The following RAD51B variants were observed in gnomAD, a reference collection of about 807,000 sequenced individuals.
RAD51B encodes the protein DNA repair protein RAD51 homolog 2.
In RAD51B, 38 loss-of-function variants were observed where a neutral mutation model predicts 42.2. The ratio of observed to expected loss-of-function variants is 0.90; its 90% CI spans 0.70 to 1.18. The LOEUF is 1.18. RAD51B is among the 50% of genes most tolerant of loss of function. RAD51B has a pLI of 0.00. For synonymous variants in RAD51B, 154 were observed against 145.2 expected, an observed-to-expected ratio of 1.06 and a Z score of -0.43; for missense variants, 373 against 400.7, an observed-to-expected ratio of 0.93 and a Z score of 0.59.
chr14:67,929,416 A>C (rs558458741), intron 7 of RAD51B, among the ~76,000 whole-genome samples: 124 of 152,194 alleles, frequency 8.1e-4, no homozygotes, highest in African/African-American at 2.9e-3. Context: ...TCCTCTTGGC[A>C]TTGATTTCTA....
intron 8 of RAD51B, among the ~76,000 whole-genome samples, chr14:68,375,931 G>C (rs1405350660): frequency 1.3e-5 from 2 of 151,978 alleles, no homozygotes; most frequent in Admixed American, 1.3e-4. Flanking sequence ...TACACAAGAG[G>C]CTTCTGGAAT....
At chr14:68,623,049 G>A (rs1240890532) in intron 10 of RAD51B, among the ~76,000 whole-genome samples, 1 of 152,162 alleles carries the variant, frequency 6.6e-6, no homozygotes, top group East Asian at 1.9e-4. Flanking sequence ...CCAAGCTCAC[G>A]GGAGGCAAGG....
At chr14:68,650,334 A>G (rs1361137315) in intron 10 of RAD51B, among the ~76,000 whole-genome samples, 1 of 152,202 alleles carries the variant, frequency 6.6e-6, no homozygotes, top group Non-Finnish European at 1.5e-5. Flanking sequence ...TCCTGCTTAG[A>G]ATCCCCAGGA....
At chr14:68,167,017 C>T (rs949307379) in intron 7 of RAD51B, among the ~76,000 whole-genome samples, 1 of 152,150 alleles carries the variant, frequency 6.6e-6, no homozygotes, top group South Asian at 2.1e-4. Context: ...CTTCCTGCCA[C>T]CAGTCTGGTC....
chr14:67,887,288 A>G (rs910009385), intron 7 of RAD51B, 84 bp downstream of exon 7: 1 of 1,199,174 alleles, frequency 8.3e-7, no homozygotes, highest in Non-Finnish European at 1.2e-6. Flanking sequence ...GTATCAAATA[A>G]TAAAATTAGA....
At chr14:68,497,389 G>A in intron 10 of RAD51B, 1 of 1,176,660 alleles carries the variant, frequency 8.5e-7, no homozygotes, top group Non-Finnish European at 1.1e-6. Flanking sequence ...ACTGACAATG[G>A]GCACTGATTT....
downstream of RAD51B, among the ~76,000 whole-genome samples, chr14:68,478,997 A>C (rs940971673): frequency 3.3e-5 from 5 of 152,218 alleles, no homozygotes; most frequent in African/African-American, 9.6e-5. Context: ...AGCCCCGGGC[A>C]GCAAGGGCAA....
chr14:68,468,937 G>A (rs550232482), intron 10 of RAD51B, among the ~76,000 whole-genome samples: 3 of 152,332 alleles, frequency 2.0e-5, no homozygotes, highest in Non-Finnish European at 4.4e-5. Flanking sequence ...AAAGGCACCC[G>A]ATTACAGGTC....
intron 7 of RAD51B, among the ~76,000 whole-genome samples, chr14:68,087,912 A>G (rs1253412209): frequency 1.6e-5 from 2 of 123,660 alleles, no homozygotes; most frequent in African/African-American, 3.3e-5. Context: ...ATATAATTAT[A>G]TAATATATTA....
At chr14:68,127,670 C>T (rs1480037824) in intron 7 of RAD51B, among the ~76,000 whole-genome samples, 1 of 148,592 alleles carries the variant, frequency 6.7e-6, no homozygotes, top group African/African-American at 2.5e-5. Flanking sequence ...CACAGTAATG[C>T]TTTTTGTCCC....
At chr14:67,995,742 C>T (rs1475906154) in intron 7 of RAD51B, among the ~76,000 whole-genome samples, 1 of 151,756 alleles carries the variant, frequency 6.6e-6, no homozygotes, top group Non-Finnish European at 1.5e-5. Flanking sequence ...CTCAGCCTTC[C>T]GAGTAGCTGG....
intron 7 of RAD51B, among the ~76,000 whole-genome samples, chr14:67,959,221 G>A (rs1383483491): frequency 1.3e-5 from 2 of 151,460 alleles, no homozygotes; most frequent in Non-Finnish European, 2.9e-5. Flanking sequence ...GAATGTTTGT[G>A]TTTGATTCTC....
chr14:68,391,874 C>T (rs951490636), intron 8 of RAD51B, among the ~76,000 whole-genome samples: 4 of 152,156 alleles, frequency 2.6e-5, no homozygotes, highest in Admixed American at 1.3e-4. Flanking sequence ...TCACTGCAAT[C>T]GCCCCATCAC....
chr14:68,468,379 A>G, intron 10 of RAD51B, 129 bp downstream of exon 10: 1 of 990,256 alleles, frequency 1.0e-6, no homozygotes, highest in Non-Finnish European at 1.6e-6. Flanking sequence ...TGCATTGGCC[A>G]GTGATATTTA....
intron 7 of RAD51B, among the ~76,000 whole-genome samples, chr14:68,278,133 T>C (rs1390278638): frequency 6.6e-6 from 1 of 152,204 alleles, no homozygotes; most frequent in African/African-American, 2.4e-5. Context: ...TCCTATGAAA[T>C]AGGCAATACT....
At chr14:68,659,710 G>T (rs1892895420) in intron 11 of RAD51B, among the ~76,000 whole-genome samples, 1 of 152,204 alleles carries the variant, frequency 6.6e-6, no homozygotes, top group Non-Finnish European at 1.5e-5. Flanking sequence ...CCCTCCCTCT[G>T]CCTGGGAAGC....
intron 10 of RAD51B, among the ~76,000 whole-genome samples, chr14:68,587,455 C>T (rs1428434610): frequency 6.6e-6 from 1 of 152,184 alleles, no homozygotes; most frequent in African/African-American, 2.4e-5. Context: ...CCCAAGACAG[C>T]TGGGCTCACA....
intron 7 of RAD51B, among the ~76,000 whole-genome samples, chr14:68,156,075 T>C (rs932786907): frequency 6.6e-6 from 1 of 152,230 alleles, no homozygotes; most frequent in Non-Finnish European, 1.5e-5. Context: ...AATAGAACAA[T>C]TAAACAGACT....
At chr14:68,294,211 C>G (rs2081570382) in intron 8 of RAD51B, among the ~76,000 whole-genome samples, 1 of 152,134 alleles carries the variant, frequency 6.6e-6, no homozygotes, top group Admixed American at 6.5e-5. Context: ...CACAAGAAAC[C>G]CCTGACTTGT....
Sources: allele counts gnomAD v4.1 joint callset (sites outside exome capture counted in the v4.1 genomes callset), GRCh38; gene constraint gnomAD v4.1.1; transcripts MANE v1.5; gene names NCBI Gene and HGNC (gene_info 2026-07-23, HGNC 2026-07-21).